NDST4: variants seen among roughly 807,000 people sequenced by gnomAD.
The protein encoded by NDST4 is N-deacetylase and N-sulfotransferase 4.
In NDST4, 63 loss-of-function variants were observed where a neutral mutation model predicts 100.8. The observed-to-expected ratio is 0.62, with a 90% confidence interval of 0.51 to 0.77. NDST4 has a LOEUF of 0.77. Ranked by LOEUF, NDST4 falls within the 30% of genes least tolerant of loss-of-function variation. NDST4 has a pLI of 0.00. For missense variants in NDST4, 943 were observed against 1,018.4 expected, an observed-to-expected ratio of 0.93 and a Z score of 1.01; for synonymous variants, 377 against 361.8, an observed-to-expected ratio of 1.04 and a Z score of -0.48.
chr4:115,104,461 A>T (rs1276787441), intron 1 of NDST4, among the ~76,000 whole-genome samples: 1 of 152,072 alleles, frequency 6.6e-6, no homozygotes, highest in Non-Finnish European at 1.5e-5. Context: ...CAACTAGGAA[A>T]CATTTGCATT....
chr4:114,913,399 G>A (rs1028676024), intron 6 of NDST4, among the ~76,000 whole-genome samples: 1 of 151,792 alleles, frequency 6.6e-6, no homozygotes, highest in Non-Finnish European at 1.5e-5. Flanking sequence ...CTCAAACTTT[G>A]GTATATAAAA....
intron 1 of NDST4, among the ~76,000 whole-genome samples, chr4:115,107,595 A>G (rs1401251666): frequency 1.3e-5 from 2 of 151,924 alleles, no homozygotes; most frequent in Non-Finnish European, 2.9e-5. Flanking sequence ...TATCACTTTC[A>G]CATACAGCTT....
intron 2 of NDST4, among the ~76,000 whole-genome samples, chr4:115,048,190 T>C (rs911714703): frequency 2.0e-5 from 3 of 152,076 alleles, no homozygotes; most frequent in Admixed American, 2.0e-4. Context: ...TTTGTTTTAA[T>C]GAGGGATAGC....
At chr4:115,039,786 A>T (rs1286219118) in intron 2 of NDST4, among the ~76,000 whole-genome samples, 1 of 152,142 alleles carries the variant, frequency 6.6e-6, no homozygotes, top group East Asian at 1.9e-4. Flanking sequence ...TAAATAATAC[A>T]TGCACACACA....
intron 6 of NDST4, among the ~76,000 whole-genome samples, chr4:114,907,727 G>C (rs1362168733): frequency 6.6e-6 from 1 of 151,960 alleles, no homozygotes; most frequent in African/African-American, 2.4e-5. Flanking sequence ...AACTTGGGGT[G>C]GGGGTGGTCA....
chr4:114,856,813 C>T lies in NDST4; in HGVS notation c.1720-3992G>A, dbSNP rs116760098. 2.8e-3 allele frequency among the ~76,000 whole-genome samples: 423 copies of T among 152,306 alleles called. 3 individuals are homozygous for T. Among genetic ancestry groups the T allele is most frequent in the African/African-American group, 1.0e-2 (414 of 41,562 alleles). ...TGCACCTCAGAGGATGGAAGACAAG[C>T]ATACAAAGTTTTAGGAGCCTGCCAC... is the stretch of plus-strand genomic sequence containing the variant. On this transcript the variant is annotated intron_variant, in intron 7 of 13. Transcript: ENST00000264363.
At chr4:114,994,991 T>C (rs1489919565) in intron 2 of NDST4, among the ~76,000 whole-genome samples, 1 of 152,058 alleles carries the variant, frequency 6.6e-6, no homozygotes, top group African/African-American at 2.4e-5. Flanking sequence ...TTTTATCTGA[T>C]TTATCAATAT....
chr4:115,102,485 A>G (rs935542957), intron 1 of NDST4, among the ~76,000 whole-genome samples: 2 of 152,116 alleles, frequency 1.3e-5, no homozygotes, highest in African/African-American at 2.4e-5. Context: ...ATGTAAATTT[A>G]ATGCTAATAG....
intron 2 of NDST4, among the ~76,000 whole-genome samples, chr4:115,003,763 G>A (rs1017215915): frequency 2.0e-5 from 3 of 152,000 alleles, no homozygotes; most frequent in African/African-American, 7.2e-5. Flanking sequence ...AGCTACTCGG[G>A]AGGCTGAGGC....
chr4:115,033,131 G>GTATA (rs60019799), intron 2 of NDST4, among the ~76,000 whole-genome samples: 43 of 107,852 alleles, frequency 4.0e-4, no homozygotes, highest in Middle Eastern at 5.1e-3. Context: ...ATATATATGT[G>GTATA]TATATATATA....
chr4:114,842,994 T>C (rs1159863898), intron 10 of NDST4, among the ~76,000 whole-genome samples: 1 of 151,958 alleles, frequency 6.6e-6, no homozygotes, highest in Admixed American at 6.5e-5. Context: ...TATTTCAAAG[T>C]TATTATAGTA....
chr4:114,907,369 A>C (rs1724974569), intron 6 of NDST4, among the ~76,000 whole-genome samples: 1 of 152,128 alleles, frequency 6.6e-6, no homozygotes, highest in Non-Finnish European at 1.5e-5. Flanking sequence ...ACTACATTTC[A>C]GTTTATCCGT....
intron 1 of NDST4, among the ~76,000 whole-genome samples, chr4:115,085,927 T>TAGG (rs1729401725): frequency 6.6e-6 from 1 of 152,188 alleles, no homozygotes; most frequent in Non-Finnish European, 1.5e-5. Context: ...AGGTAAGTAG[T>TAGG]GCTTTATGAA....
At chr4:115,087,017 AT>A (rs975738300) in intron 1 of NDST4, among the ~76,000 whole-genome samples, 11 of 152,014 alleles carry the variant, frequency 7.2e-5, no homozygotes, top group African/African-American at 2.4e-4. Context: ...TCATCACTGA[AT>A]TTTACCCTTA....
chr4:115,010,494 C>T (rs1159941384), intron 2 of NDST4, among the ~76,000 whole-genome samples: 1 of 126,908 alleles, frequency 7.9e-6, no homozygotes, highest in Non-Finnish European at 1.7e-5. Flanking sequence ...AATGAGTACA[C>T]ATGGACACAG....
At chr4:114,934,633 T>C (rs1409054506) in intron 6 of NDST4, among the ~76,000 whole-genome samples, 5 of 151,074 alleles carry the variant, frequency 3.3e-5, no homozygotes, top group Non-Finnish European at 7.4e-5. Context: ...AGGATGCCAG[T>C]GGCTGGGGGA....
At position 114,918,303 on chromosome 4, in the gene NDST4, T is replaced by C. The variant is rs894990384; in HGVS notation, c.1536+16903A>G. On this transcript the variant is annotated intron_variant, in intron 6 of 13. Transcript: ENST00000264363. ...GTGAAGGAGCAATCATGTACTGTGT[T>C]CTCAGAAAGATGTTGTAAAAGTGTG... Among the ~76,000 whole-genome samples, 3 of 149,252 alleles carry C rather than the reference T, an allele frequency of 2.0e-5. No individual in the cohort carries two copies. In the Admixed American group the frequency reaches 2.0e-4, roughly 10 times the overall value.
Position 114,870,865 on chromosome 4 carries a change from T to G in NDST4, c.1622A>C (p.Gln541Pro). ...TTGCAATTTCAGGTTGGTCCAGCTC[T>G]GCACAAAGTTGACCAAGTTCACAAA... ...YTFVNLVNFV[Q>P]SWTNLKLQTL... The change falls in exon 7 of 14, where the codon CAG (glutamine) becomes CCG (proline). Residue 541 changes from glutamine (Q) to proline (P), a missense_variant. Physicochemically the swap from Gln to Pro is moderately conservative, Grantham distance 76. Transcript: ENST00000264363. 1 of 1,613,228 alleles carries G rather than the reference T, an allele frequency of 6.2e-7. No individual in the cohort carries two copies. Among genetic ancestry groups the G allele is most frequent in the Non-Finnish European group, 8.5e-7 (1 of 1,179,432 alleles).
At chr4:114,915,497 T>C (rs1725150028) in intron 6 of NDST4, among the ~76,000 whole-genome samples, 1 of 152,206 alleles carries the variant, frequency 6.6e-6, no homozygotes, top group African/African-American at 2.4e-5. Flanking sequence ...ACAGTAATTT[T>C]CATGAATAAA....
Sources: allele counts gnomAD v4.1 joint callset (sites outside exome capture counted in the v4.1 genomes callset), GRCh38; gene constraint gnomAD v4.1.1; transcripts MANE v1.5; gene names NCBI Gene and HGNC (gene_info 2026-07-23, HGNC 2026-07-21).